The following MTMR9 variants were observed in gnomAD, a reference collection of about 807,000 sequenced individuals.
MTMR9 encodes myotubularin related protein 9, also known as myotubularin-related protein 9.
Under a neutral mutation model 69.5 loss-of-function variants are expected in MTMR9, and 39 were observed. The observed-to-expected ratio is 0.56, with a 90% CI of 0.43 to 0.73. MTMR9 has a LOEUF of 0.73. MTMR9 is among the 30% of genes least tolerant of loss of function. The probability of loss-of-function intolerance (pLI) is 0.00; values close to 1 mark genes in which losing one functional copy is unlikely to be tolerated. For missense variants in MTMR9, 900 were observed against 671.2 expected, an observed-to-expected ratio of 1.34 and a Z score of -3.77; for synonymous variants, 354 against 240.8, an observed-to-expected ratio of 1.47 and a Z score of -4.35.
intron 6 of MTMR9, among the ~76,000 whole-genome samples, chr8:11,310,445 C>A (rs1030810070): frequency 2.0e-5 from 3 of 152,090 alleles, no homozygotes; most frequent in African/African-American, 7.2e-5. Flanking sequence ...ATTGATGCTT[C>A]CAAATTAGGG....
the MTMR9 span, among the ~76,000 whole-genome samples, chr8:11,335,088 C>G: frequency 3.3e-5 from 5 of 152,104 alleles, no homozygotes; most frequent in Admixed American, 2.6e-4. Flanking sequence ...TGCAATGAGA[C>G]AGAAACAGAA....
intron 1 of MTMR9, 96 bp downstream of exon 1, chr8:11,285,166 C>G: frequency 7.9e-7 from 1 of 1,262,220 alleles, no homozygotes; most frequent in Non-Finnish European, 1.1e-6. Context: ...CAGCCTGCCG[C>G]CCAGCTAGCC....
the MTMR9 span, among the ~76,000 whole-genome samples, chr8:11,336,169 C>G: frequency 6.6e-6 from 1 of 152,228 alleles, no homozygotes; most frequent in Non-Finnish European, 1.5e-5. Context: ...ATATCAAGAG[C>G]TCAGCATTAG....
chr8:11,322,595 G>A lies in MTMR9; in HGVS notation c.1487-30G>A, dbSNP rs779248332. 9 of 1,598,118 alleles carry A rather than the reference G, an allele frequency of 5.6e-6. No homozygotes were observed. In the Admixed American group the frequency reaches 1.3e-4, roughly 24 times the overall value. ...TTAATCCATTGTATATACCTTTCTT[G>A]CTTCTGTTTTCCATTCCTGGATTCA... On this transcript the variant is annotated intron_variant, in intron 9 of 9. Transcript: ENST00000221086.
intron 2 of MTMR9, chr8:11,298,718 G>GCGCCCCCCC: frequency 1.3e-6 from 1 of 798,990 alleles, no homozygotes; most frequent in Non-Finnish European, 1.5e-6. Flanking sequence ...TTTCCCCGCT[G>GCGCCCCCCC]CACCCCCCCC....
At chr8:11,311,504 A>C (rs1375159301) in intron 6 of MTMR9, among the ~76,000 whole-genome samples, 1 of 152,232 alleles carries the variant, frequency 6.6e-6, no homozygotes, top group Non-Finnish European at 1.5e-5. Flanking sequence ...ATATAAAGTT[A>C]TGTTTACACT....
chr8:11,308,963 A>G (rs777794116), intron 5 of MTMR9, among the ~76,000 whole-genome samples: 1 of 152,190 alleles, frequency 6.6e-6, no homozygotes, highest in Non-Finnish European at 1.5e-5. Flanking sequence ...TTTGCTACAT[A>G]TACTTATATT....
At chr8:11,287,676 A>G (rs1463468336) in intron 1 of MTMR9, among the ~76,000 whole-genome samples, 2 of 138,514 alleles carry the variant, frequency 1.4e-5, no homozygotes, top group Non-Finnish European at 3.0e-5. Flanking sequence ...TATTAGATAT[A>G]TTTATATTTA....
chr8:11,300,295 A>G, intron 3 of MTMR9, 147 bp downstream of exon 3: 1 of 801,056 alleles, frequency 1.2e-6, no homozygotes, highest in Non-Finnish European at 1.9e-6. Context: ...GATTGAAGCC[A>G]TGCAGAGTAT....
In MTMR9 at chr8:11,316,764, A is replaced by C; in HGVS notation, c.1205A>C (p.Asp402Ala). 3 of 1,613,794 alleles carry C rather than the reference A, an allele frequency of 1.9e-6. No individual in the cohort carries two copies. The highest frequency in any genetic ancestry group is 2.5e-6 in the Non-Finnish European group (3 of 1,179,930). ...GCTCCTGTATTTCTTCTCTTCTTGG[A>C]CTGCGTGTGGCAGATCCTTCGTCAG... ...WEAPVFLLFL[D>A]CVWQILRQFP... Residue 402 changes from aspartate to alanine, a missense_variant, in exon 8 of 10, where the codon GAC becomes GCC. Coordinates refer to ENST00000221086, the MANE Select transcript of MTMR9 (RefSeq NM_015458.4).
At chr8:11,317,310 C>G (rs191404073) in intron 8 of MTMR9, 1 of 152,696 alleles carries the variant, frequency 6.5e-6, no homozygotes, top group African/African-American at 2.4e-5. Flanking sequence ...AGCAGCGATC[C>G]CCAACCATTT....
intron 2 of MTMR9, among the ~76,000 whole-genome samples, chr8:11,297,204 G>T (rs1396932139): frequency 6.6e-6 from 1 of 152,156 alleles, no homozygotes; most frequent in African/African-American, 2.4e-5. Context: ...TAAAAATCTA[G>T]AAGTAGGATT....
chr8:11,298,894 G>A, intron 2 of MTMR9: 3 of 984,680 alleles, frequency 3.0e-6, no homozygotes, highest in Non-Finnish European at 3.6e-6. Flanking sequence ...GCCCATTTGG[G>A]GCTGATAGAG....
intron 3 of MTMR9, among the ~76,000 whole-genome samples, chr8:11,302,681 A>T (rs1169997261): frequency 6.6e-6 from 1 of 152,222 alleles, no homozygotes; most frequent in Non-Finnish European, 1.5e-5. Flanking sequence ...AAGGATGTCC[A>T]TTGTGACTAC....
chr8:11,292,963 T>A lies in MTMR9; in HGVS notation c.183-2231T>A, dbSNP rs533908025. ...ACTGGTTTATGTATTTACTATAGTA[T>A]ACTTGTTATTGTTATTTTAGAGTAT... On this transcript the variant is annotated intron_variant, in intron 1 of 9. Transcript: ENST00000221086. Among the ~76,000 whole-genome samples the A allele has an allele frequency of 2.0e-5, 3 of 152,384 alleles. No homozygotes were observed. In the East Asian group the frequency reaches 5.8e-4, roughly 29 times the overall value.
chr8:11,331,286 G>A, downstream of MTMR9: 1 of 1,613,992 alleles, frequency 6.2e-7, no homozygotes, highest in African/African-American at 1.3e-5. Context: ...TTTCTCGTAT[G>A]GCTTACCAGG....
Position 11,327,657 on chromosome 8 carries a change from T to C in MTMR9, c.*4869T>C, listed in dbSNP as rs942254918. ...ATAGCCGGGTATTTGGATTGTTCTC[T>C]TGATAATATTTGAATGTGACTCTTG... On this transcript the variant is annotated 3_prime_UTR_variant, in exon 10 of 10. Transcript: ENST00000221086. 2.6e-5 allele frequency: 4 copies of C among 152,670 alleles called. No homozygotes were observed. Among genetic ancestry groups the C allele is most frequent in the African/African-American group, 7.2e-5 (3 of 41,462 alleles). 9.5% of individuals were successfully genotyped at this position (152,670 alleles called of 1,614,324 possible).
At chr8:11,294,418 C>T (rs1157001725) in intron 1 of MTMR9, among the ~76,000 whole-genome samples, 1 of 149,062 alleles carries the variant, frequency 6.7e-6, no homozygotes, top group South Asian at 2.1e-4. Context: ...AAGTTCCCTT[C>T]TGTTTCAAAT....
chr8:11,318,995 T>C (rs1189565970), intron 8 of MTMR9: 2 of 151,954 alleles, frequency 1.3e-5, no homozygotes, highest in African/African-American at 4.8e-5. Flanking sequence ...TGTATACTGC[T>C]CGGATGATGG....
Sources: gnomAD v4.1 joint callset for allele counts (sites outside exome capture counted in the v4.1 genomes callset) on GRCh38, gnomAD v4.1.1 for gene constraint, MANE v1.5 for transcripts, NCBI Gene and HGNC (gene_info 2026-07-23, HGNC 2026-07-21) for gene names.